MYO3B: variants seen among roughly 807,000 people sequenced by gnomAD.
MYO3B encodes myosin IIIB, also known as myosin-IIIb.
A neutral mutation model predicts 174.6 loss-of-function variants in MYO3B; 156 were observed. The ratio of observed to expected loss-of-function variants is 0.89; its 90% CI spans 0.78 to 1.02. MYO3B has a LOEUF of 1.02. Among genes scored for constraint, MYO3B ranks in the 50% least tolerant of loss-of-function variants. The probability of loss-of-function intolerance (pLI) is 0.00; values close to 1 mark genes in which losing one functional copy is unlikely to be tolerated. For missense variants in MYO3B, 1,632 were observed against 1,639.4 expected, an observed-to-expected ratio of 1.00 and a Z score of 0.08; for synonymous variants, 563 against 569.1, an observed-to-expected ratio of 0.99 and a Z score of 0.15.
At chr2:170,179,147 A>G (rs184514301) in intron 1 of MYO3B, among the ~76,000 whole-genome samples, 5 of 152,222 alleles carry the variant, frequency 3.3e-5, no homozygotes, top group Admixed American at 2.0e-4. Context: ...AACCCACCAT[A>G]GCACATGTTT....
At chr2:170,617,525 G>T (rs576623886) in intron 32 of MYO3B, among the ~76,000 whole-genome samples, 1 of 152,140 alleles carries the variant, frequency 6.6e-6, no homozygotes, top group South Asian at 2.1e-4. Context: ...ATTTTGAGGT[G>T]ACAAAGTGGA....
intron 32 of MYO3B, among the ~76,000 whole-genome samples, chr2:170,557,198 G>A (rs1206448142): frequency 1.4e-5 from 2 of 147,386 alleles, no homozygotes; most frequent in African/African-American, 2.5e-5. Context: ...GGAGTGCAGT[G>A]GCACGATCTC....
At chr2:170,455,339 A>C (rs1288804289) in intron 23 of MYO3B, among the ~76,000 whole-genome samples, 1 of 152,228 alleles carries the variant, frequency 6.6e-6, no homozygotes, top group East Asian at 1.9e-4. Flanking sequence ...AGATGGAGTC[A>C]TCAGATCTCT....
chr2:170,500,098 G>A (rs1038735407), intron 27 of MYO3B, among the ~76,000 whole-genome samples: 22 of 152,204 alleles, frequency 1.4e-4, no homozygotes, highest in South Asian at 4.1e-4. Context: ...CTTTCTTTCC[G>A]TGTCCTGAAG....
intron 7 of MYO3B, among the ~76,000 whole-genome samples, chr2:170,321,497 ACTTAT>A (rs903433864): frequency 2.6e-5 from 4 of 152,204 alleles, no homozygotes; most frequent in African/African-American, 7.2e-5. Context: ...TAAAAGAACT[ACTTAT>A]CTTAGTTCCT....
intron 7 of MYO3B, among the ~76,000 whole-genome samples, chr2:170,271,795 A>G (rs1041356278): frequency 6.6e-6 from 1 of 152,198 alleles, no homozygotes; most frequent in African/African-American, 2.4e-5. Flanking sequence ...TTCTTCCTTT[A>G]TGCCCAGCAC....
At chr2:170,551,083 A>G (rs1225193118) in intron 32 of MYO3B, among the ~76,000 whole-genome samples, 3 of 151,456 alleles carry the variant, frequency 2.0e-5, no homozygotes, top group Non-Finnish European at 2.9e-5. Flanking sequence ...ATTTTTTTGT[A>G]GAGACAGGAT....
intron 25 of MYO3B, among the ~76,000 whole-genome samples, chr2:170,484,346 T>A (rs1685891101): frequency 6.6e-6 from 1 of 152,196 alleles, no homozygotes; most frequent in Non-Finnish European, 1.5e-5. Context: ...GTTGAACACA[T>A]CTGAATATTC....
chr2:170,387,112 A>G lies in MYO3B; in HGVS notation c.1381A>G (p.Asn461Asp), dbSNP rs771104617. 4 of 1,613,830 alleles carry G rather than the reference A, an allele frequency of 2.5e-6. No individual in the cohort carries two copies. Among genetic ancestry groups the G allele is most frequent in the Non-Finnish European group, 1.7e-6 (2 of 1,179,846 alleles). ...CGTTCTCTGTTTGGCACAGGCCAAT[A>G]ATCAGACCTTGAGAGAGAAAATTCT... ...QHLTFLGKAN[N>D]QTLREKILQV... The change falls in exon 14 of 35, where the codon AAT (asparagine) becomes GAT (aspartate). Residue 461 changes from asparagine to aspartate, a missense_variant. Asn to Asp is a conservative substitution (Grantham distance 23). Transcript: ENST00000408978.
chr2:170,253,949 C>T (rs544290292), intron 7 of MYO3B, among the ~76,000 whole-genome samples: 2 of 152,086 alleles, frequency 1.3e-5, no homozygotes, highest in East Asian at 3.9e-4. Context: ...AGTGCCTCTC[C>T]CACTGAGAGA....
chr2:170,391,628 A>G lies in MYO3B; in HGVS notation c.1676+10A>G, dbSNP rs1558953870. 27 of 1,490,682 alleles carry G rather than the reference A, an allele frequency of 1.8e-5. No homozygotes were observed. Among genetic ancestry groups the G allele is most frequent in the Non-Finnish European group, 2.3e-5 (25 of 1,094,554 alleles). The allele number at this position is 1,490,682 out of a possible 1,614,324, so 92.3% of individuals were successfully genotyped here. On this transcript the variant is annotated intron_variant, in intron 15 of 34. Transcript: ENST00000408978. ...AGGAAAAACCTCCTAGGTAAGTGTCAGGGGGGTTGGTTGTTAATTTTTGAT... is the reference window on the plus strand; with the variant it reads ...AGGAAAAACCTCCTAGGTAAGTGTCGGGGGGGTTGGTTGTTAATTTTTGAT...
chr2:170,261,727 G>T (rs143503888), intron 7 of MYO3B, among the ~76,000 whole-genome samples: 1 of 152,134 alleles, frequency 6.6e-6, no homozygotes, highest in African/African-American at 2.4e-5. Flanking sequence ...GCATTGTTTC[G>T]CATTGTTTCA....
chr2:170,550,813 G>A (rs1283433852), intron 32 of MYO3B, among the ~76,000 whole-genome samples: 1 of 152,194 alleles, frequency 6.6e-6, no homozygotes, highest in Admixed American at 6.5e-5. Context: ...GCTTTGCTGT[G>A]CAGGAAGAGG....
intron 14 of MYO3B, among the ~76,000 whole-genome samples, chr2:170,388,752 A>G (rs765432904): frequency 6.6e-5 from 10 of 152,184 alleles, no homozygotes; most frequent in Non-Finnish European, 1.5e-4. Flanking sequence ...TGGAGAGAAG[A>G]TGAGGAGTCT....
At chr2:170,369,164 T>G in intron 8 of MYO3B, 58 bp from the exon 9 acceptor site, 1 of 1,527,418 alleles carries the variant, frequency 6.5e-7, no homozygotes, top group East Asian at 2.3e-5. Flanking sequence ...CCCATATTCA[T>G]AGGGGAACAG....
chr2:170,332,295 A>G (rs191894900), intron 7 of MYO3B: 2 of 152,264 alleles, frequency 1.3e-5, no homozygotes, highest in Non-Finnish European at 2.9e-5. Flanking sequence ...GCAGACAAGA[A>G]ATCAAGGCAT....
At chr2:170,521,909 G>T (rs542684786) in intron 30 of MYO3B, among the ~76,000 whole-genome samples, 2 of 152,138 alleles carry the variant, frequency 1.3e-5, no homozygotes, top group African/African-American at 2.4e-5. Flanking sequence ...ACAGCTCCCA[G>T]TTGCTAGAGC....
At chr2:170,631,368 T>A (rs145368656) in intron 32 of MYO3B, among the ~76,000 whole-genome samples, 1 of 149,742 alleles carries the variant, frequency 6.7e-6, no homozygotes, top group Non-Finnish European at 1.5e-5. Flanking sequence ...TAAAAAGAAA[T>A]GAACAAAGCC....
chr2:170,480,932 A>G (rs1433363445), intron 25 of MYO3B, among the ~76,000 whole-genome samples: 6 of 152,226 alleles, frequency 3.9e-5, no homozygotes, highest in African/African-American at 1.4e-4. Flanking sequence ...AGTGAACTGA[A>G]TATCATCAGT....
Sources: gnomAD v4.1 joint callset for allele counts (sites outside exome capture counted in the v4.1 genomes callset) on GRCh38, gnomAD v4.1.1 for gene constraint, MANE v1.5 for transcripts, NCBI Gene and HGNC (gene_info 2026-07-23, HGNC 2026-07-21) for gene names.